The following PLCL1 variants were observed in gnomAD, a reference collection of about 807,000 sequenced individuals.
The protein encoded by PLCL1 is phospholipase C like 1 (inactive), also known as inactive phospholipase C-like protein 1.
Under a neutral mutation model 84.4 loss-of-function variants are expected in PLCL1, and 41 were observed. The observed-to-expected ratio is 0.49, with a 90% CI of 0.38 to 0.63. The LOEUF is 0.63. PLCL1 is among the 30% of genes least tolerant of loss of function. PLCL1 has a pLI of 0.00. For missense variants in PLCL1, 1,206 were observed against 1,367.8 expected, an observed-to-expected ratio of 0.88 and a Z score of 1.87; for synonymous variants, 490 against 488.3, an observed-to-expected ratio of 1.00 and a Z score of -0.05.
chr2:197,824,910 A>G (rs992666802), intron 1 of PLCL1, among the ~76,000 whole-genome samples: 7 of 152,098 alleles, frequency 4.6e-5, no homozygotes, highest in South Asian at 4.1e-4. Context: ...TTAAAATAAA[A>G]CCTTAAAATT....
intron 1 of PLCL1, among the ~76,000 whole-genome samples, chr2:198,073,211 G>A (rs969478068): frequency 1.3e-5 from 2 of 152,128 alleles, no homozygotes; most frequent in African/African-American, 4.8e-5. Context: ...CTATGCTTAT[G>A]TAGTTTTCTT....
At chr2:198,014,434 G>A (rs1484890037) in intron 1 of PLCL1, among the ~76,000 whole-genome samples, 1 of 151,944 alleles carries the variant, frequency 6.6e-6, no homozygotes, top group Non-Finnish European at 1.5e-5. Context: ...TGAGCACAAT[G>A]GTAGGACCAC....
At chr2:198,123,411 A>G (rs1693917405) in intron 5 of PLCL1, among the ~76,000 whole-genome samples, 1 of 152,022 alleles carries the variant, frequency 6.6e-6, no homozygotes, top group Non-Finnish European at 1.5e-5. Flanking sequence ...GGGCCTTTAA[A>G]GAGGTAACTA....
rs1291575170 is a variant in PLCL1 at position 198,103,860 on chromosome 2, G to A, written c.3029G>A (p.Gly1010Glu). The A allele has an allele frequency of 1.2e-6, 2 of 1,605,652 alleles. No individual in the cohort carries two copies. Among genetic ancestry groups the A allele is most frequent in the Non-Finnish European group, 1.7e-6 (2 of 1,175,388 alleles). Residue 1010 changes from glycine (G) to glutamate (E), a missense_variant, in exon 5 of 6, where the codon GGG (glycine) becomes GAG (glutamate). By Grantham distance (98) the Gly-to-Glu change is moderately conservative (BLOSUM62 -2). Transcript: ENST00000428675. ...MEFHEELHNLGAKEGLKGRKL... is the reference protein window; with the variant it reads ...MEFHEELHNLEAKEGLKGRKL... ...TTCCATGAAGAACTTCATAATTTGG[G>A]GGCAAAAGAAGGCTTGAAGGGAAGA... is the stretch of plus-strand genomic sequence containing the variant.
At chr2:197,891,723 T>C (rs1688033015) in intron 1 of PLCL1, among the ~76,000 whole-genome samples, 1 of 152,172 alleles carries the variant, frequency 6.6e-6, no homozygotes, top group Non-Finnish European at 1.5e-5. Flanking sequence ...TTTGTTTTGC[T>C]GGTTATTTTT....
At chr2:198,002,626 A>G (rs1276313408) in intron 1 of PLCL1, among the ~76,000 whole-genome samples, 2 of 152,204 alleles carry the variant, frequency 1.3e-5, no homozygotes, top group African/African-American at 4.8e-5. Flanking sequence ...CTTGTGGGGA[A>G]GAAGGGTGTT....
chr2:198,009,144 A>G (rs143213590), intron 1 of PLCL1, among the ~76,000 whole-genome samples: 16 of 151,952 alleles, frequency 1.1e-4, no homozygotes, highest in East Asian at 7.7e-4. Context: ...ATAGGTTGCA[A>G]TTTCACTCTG....
chr2:198,142,571 T>A (rs1039361987), intron 5 of PLCL1, among the ~76,000 whole-genome samples: 3 of 152,098 alleles, frequency 2.0e-5, no homozygotes, highest in Non-Finnish European at 1.5e-5. Flanking sequence ...CATTTTTAAA[T>A]TCAGAATTTC....
chr2:198,085,165 G>A lies in PLCL1; in HGVS notation c.1648G>A (p.Val550Met), dbSNP rs759743976. The A allele has an allele frequency of 1.4e-5, 23 of 1,613,880 alleles. No individual in the cohort carries two copies. Among genetic ancestry groups the A allele is most frequent in the Non-Finnish European group, 1.9e-5 (22 of 1,179,842 alleles). ...KGKKLPSDPD[V>M]LEGEVTDEDE... is the part of the protein sequence containing the mutation. ...AAAGAAGTTGCCTTCTGATCCAGATGTGTTAGAAGGAGAAGTAACAGATGA... is the reference window on the plus strand; with the variant it reads ...AAAGAAGTTGCCTTCTGATCCAGATATGTTAGAAGGAGAAGTAACAGATGA... Residue 550 changes from valine to methionine, a missense_variant, in exon 2 of 6, where the codon GTG becomes ATG. Transcript: ENST00000428675. The surrounding 1 kb of genome is among the most constrained non-coding windows in gnomAD (Gnocchi z 5.3).
At position 198,057,135 on chromosome 2, in the gene PLCL1, G is replaced by T. The variant is rs996591885; in HGVS notation, c.241-26623G>T. Reference sequence around the variant, plus strand: ...TTGAACAACCACTTTTCTTAATGGAGATGAGCCTCTTTATCTTTTAGGAGT... The same window carrying T: ...TTGAACAACCACTTTTCTTAATGGATATGAGCCTCTTTATCTTTTAGGAGT... On this transcript the variant is annotated intron_variant, in intron 1 of 5. Coordinates refer to ENST00000428675, the MANE Select transcript of PLCL1 (RefSeq NM_006226.4). Among the ~76,000 whole-genome samples the T allele has an allele frequency of 8.3e-4, 126 of 152,166 alleles. 1 individual carries two copies. Among genetic ancestry groups the T allele is most frequent in the Admixed American group, 1.6e-3 (24 of 15,262 alleles).
chr2:198,053,592 CA>C (rs1019140489), intron 1 of PLCL1, among the ~76,000 whole-genome samples: 43 of 152,350 alleles, frequency 2.8e-4, no homozygotes, highest in African/African-American at 9.1e-4. Context: ...CACTGTATTA[CA>C]TTCCCTCTTT....
chr2:198,103,999 G>A (rs1693410036), intron 5 of PLCL1, 63 bp downstream of exon 5: 2 of 734,680 alleles, frequency 2.7e-6, no homozygotes, highest in Non-Finnish European at 4.4e-6. Context: ...TCTCCAATGT[G>A]TAGAGAAATG....
At chr2:197,882,630 A>G (rs1687851495) in intron 1 of PLCL1, among the ~76,000 whole-genome samples, 1 of 152,172 alleles carries the variant, frequency 6.6e-6, no homozygotes, top group Non-Finnish European at 1.5e-5. Flanking sequence ...ATTACTCCCA[A>G]ATGTATAGGC....
In PLCL1 at chr2:198,065,364, C is replaced by T. The variant is rs540430617; in HGVS notation, c.241-18394C>T. ...CTTTTCAAGTCTAAATAACTTAATT[C>T]TTCTTACAGAATTCTCTCCACCAAT... On this transcript the variant is annotated intron_variant, in intron 1 of 5. Transcript: ENST00000428675. 3.3e-5 allele frequency among the ~76,000 whole-genome samples: 5 copies of T among 152,260 alleles called. 1 individual carries two copies. The South Asian group carries it at 1.0e-3, about 32-fold the overall frequency.
intron 1 of PLCL1, among the ~76,000 whole-genome samples, chr2:198,076,906 G>A (rs527707035): frequency 6.6e-6 from 1 of 152,280 alleles, no homozygotes; most frequent in South Asian, 2.1e-4. Flanking sequence ...ATGGGTAAGG[G>A]TTTTCTCCAG....
At chr2:198,083,499 CAG>C in intron 1 of PLCL1, among the ~76,000 whole-genome samples, 1 of 152,270 alleles carries the variant, frequency 6.6e-6, no homozygotes, top group East Asian at 1.9e-4. Flanking sequence ...ATGAACAAAT[CAG>C]AGTGATTTGT....
intron 1 of PLCL1, among the ~76,000 whole-genome samples, chr2:197,975,608 A>C (rs1689964673): frequency 6.6e-6 from 1 of 151,792 alleles, no homozygotes; most frequent in Admixed American, 6.6e-5. Flanking sequence ...GTTCGAGACC[A>C]GTCTGTGCAA....
At chr2:198,030,319 T>A (rs971194291) in intron 1 of PLCL1, among the ~76,000 whole-genome samples, 2 of 152,182 alleles carry the variant, frequency 1.3e-5, no homozygotes, top group African/African-American at 4.8e-5. Context: ...TCCATCTCTG[T>A]CTTTCTTGCT....
chr2:198,079,752 A>G (rs1364851364), intron 1 of PLCL1, among the ~76,000 whole-genome samples: 1 of 152,170 alleles, frequency 6.6e-6, no homozygotes, highest in Admixed American at 6.6e-5. Flanking sequence ...AATTTAACTT[A>G]TTTAAATGTG....
Sources: gnomAD v4.1 joint callset for allele counts (sites outside exome capture counted in the v4.1 genomes callset) on GRCh38, gnomAD v4.1.1 for gene constraint, Gnocchi (gnomAD v3.1) non-coding constraint, MANE v1.5 for transcripts, NCBI Gene and HGNC (gene_info 2026-07-23, HGNC 2026-07-21) for gene names.